Variants in POU6F2 observed in about 807,000 individuals in gnomAD.
POU6F2 encodes POU class 6 homeobox 2, also known as POU domain, class 6, transcription factor 2.
Under a neutral mutation model 71.3 loss-of-function variants are expected in POU6F2, and 31 were observed. That is an observed-to-expected ratio of 0.43 (90% CI 0.33 to 0.59). The LOEUF (loss-of-function observed/expected upper bound fraction) is 0.59. Among genes scored for constraint, POU6F2 ranks in the 20% least tolerant of loss-of-function variants. The pLI, the probability that POU6F2 is intolerant of heterozygous loss-of-function variation, is 0.04. For synonymous variants in POU6F2, 347 were observed against 355.7 expected (o/e 0.98, Z 0.27); for missense variants, 783 against 856.8 (o/e 0.91, Z 1.07).
At chr7:39,421,224 C>T (rs1204908065) in intron 6 of POU6F2, among the ~76,000 whole-genome samples, 1 of 150,884 alleles carries the variant, frequency 6.6e-6, no homozygotes, top group Non-Finnish European at 1.5e-5. Flanking sequence ...GTGGTCTCAC[C>T]CTAAAGAACA....
intron 4 of POU6F2, among the ~76,000 whole-genome samples, chr7:39,224,442 T>A (rs2128748945): frequency 6.6e-6 from 1 of 151,572 alleles, no homozygotes; most frequent in South Asian, 2.1e-4. Flanking sequence ...TCTGCCCAGG[T>A]TATGTCTTGG....
At chr7:39,384,897 G>T (rs1376626354) in intron 5 of POU6F2, among the ~76,000 whole-genome samples, 1 of 152,188 alleles carries the variant, frequency 6.6e-6, no homozygotes, top group African/African-American at 2.4e-5. Flanking sequence ...TGGAAGCTTT[G>T]TGTCCTCTAA....
At chr7:39,137,235 ACT>A (rs1374228338) in intron 2 of POU6F2, among the ~76,000 whole-genome samples, 1 of 152,090 alleles carries the variant, frequency 6.6e-6, no homozygotes, top group African/African-American at 2.4e-5. Context: ...TCAAAATATC[ACT>A]CTGTATTTTA....
chr7:39,192,861 G>T (rs748442017), intron 2 of POU6F2, among the ~76,000 whole-genome samples: 10 of 152,122 alleles, frequency 6.6e-5, no homozygotes, highest in Non-Finnish European at 1.2e-4. Flanking sequence ...AAGGGAGGAA[G>T]AAGGAAGGAA....
intron 1 of POU6F2, among the ~76,000 whole-genome samples, chr7:39,049,161 G>T (rs1918722): frequency 1.3e-5 from 2 of 151,464 alleles, no homozygotes; most frequent in African/African-American, 4.9e-5. Flanking sequence ...TTTTGGTTTC[G>T]TTATTTTCTA....
At chr7:39,054,969 A>C (rs1790478820) in intron 1 of POU6F2, among the ~76,000 whole-genome samples, 1 of 152,088 alleles carries the variant, frequency 6.6e-6, no homozygotes, top group African/African-American at 2.4e-5. Context: ...AAGAGTCATA[A>C]GCAGGGTTGG....
Position 39,412,778 on chromosome 7 carries a change from C to CTTTTTTTTTTTTTTTTTTTTTTTTTTT in POU6F2, c.1113+6053_1113+6079dup, listed in dbSNP as rs1166811956. Among the ~76,000 whole-genome samples the CTTTTTTTTTTTTTTTTTTTTTTTTTTT allele has an allele frequency of 2.2e-4, 5 of 23,192 alleles. 2 individuals are homozygous for CTTTTTTTTTTTTTTTTTTTTTTTTTTT. The highest frequency in any genetic ancestry group is 3.2e-4 in the Non-Finnish European group (3 of 9,474). The allele number at this position is 23,192 out of a possible 152,430, so 15.2% of individuals were successfully genotyped here. A position where few individuals can be genotyped will look rare whatever the true frequency, so the allele number is the denominator to read the frequency against. ...TCCGTATTAGCTTCAGTTTTCTTGC[C>CTTTTTTTTTTTTTTTTTTTTTTTTTTT]TTTTTTTTTTTTTTTTTTTTTTTTT... On this transcript the variant is annotated intron_variant, in intron 6 of 9. Coordinates refer to ENST00000518318, the MANE Select transcript of POU6F2 (RefSeq NM_001370959.1).
intron 4 of POU6F2, among the ~76,000 whole-genome samples, chr7:39,307,771 C>T (rs573661664): frequency 1.3e-5 from 2 of 152,190 alleles, no homozygotes; most frequent in South Asian, 2.1e-4. Context: ...AGTTCAAGAC[C>T]AGCATGGTCA....
intron 2 of POU6F2, among the ~76,000 whole-genome samples, chr7:39,104,421 T>C (rs1266868507): frequency 6.6e-6 from 1 of 152,210 alleles, no homozygotes; most frequent in African/African-American, 2.4e-5. Flanking sequence ...AGTCTTGTGA[T>C]TGATCTGCCC....
intron 7 of POU6F2, among the ~76,000 whole-genome samples, chr7:39,450,732 G>A (rs575065251): frequency 2.0e-5 from 3 of 152,220 alleles, no homozygotes; most frequent in South Asian, 2.1e-4. Flanking sequence ...GTCAGACTTC[G>A]TGTGTCCAGA....
At chr7:39,067,491 T>C (rs1397330106) in intron 1 of POU6F2, among the ~76,000 whole-genome samples, 2 of 151,928 alleles carry the variant, frequency 1.3e-5, no homozygotes, top group African/African-American at 2.4e-5. Context: ...AAATAACAAA[T>C]TCTAGAAAAA....
chr7:39,247,237 G>A (rs1486332244), intron 4 of POU6F2, among the ~76,000 whole-genome samples: 1 of 152,114 alleles, frequency 6.6e-6, no homozygotes, highest in East Asian at 1.9e-4. Flanking sequence ...GGGAGGCTGA[G>A]GCAAGTGGAC....
intron 1 of POU6F2, among the ~76,000 whole-genome samples, chr7:39,083,313 G>A (rs1791165538): frequency 6.6e-6 from 1 of 152,138 alleles, no homozygotes; most frequent in Admixed American, 6.5e-5. Flanking sequence ...GAGCAGTACA[G>A]TGACAGAGAC....
chr7:39,263,746 A>G (rs1784187598), intron 4 of POU6F2, among the ~76,000 whole-genome samples: 1 of 152,194 alleles, frequency 6.6e-6, no homozygotes, highest in Non-Finnish European at 1.5e-5. Flanking sequence ...GATAGAATGC[A>G]GAACAGCATT....
intron 5 of POU6F2, chr7:39,373,356 A>T (rs1786650089): frequency 2.3e-6 from 1 of 442,862 alleles, no homozygotes; most frequent in Non-Finnish European, 4.6e-6. Flanking sequence ...TGATTGACCT[A>T]CGAGGCTGAC....
At chr7:39,011,010 G>T (rs1420159345) in intron 1 of POU6F2, among the ~76,000 whole-genome samples, 31 of 140,902 alleles carry the variant, frequency 2.2e-4, no homozygotes, top group Middle Eastern at 3.8e-3. Context: ...GTTGATTTGG[G>T]GTGGAGAGTT....
intron 4 of POU6F2, among the ~76,000 whole-genome samples, chr7:39,230,758 A>C (rs531622741): frequency 6.6e-6 from 1 of 152,246 alleles, no homozygotes; most frequent in Non-Finnish European, 1.5e-5. Flanking sequence ...AATGCCAGTT[A>C]GTACTGGTCA....
intron 2 of POU6F2, among the ~76,000 whole-genome samples, chr7:39,180,840 C>A (rs147717688): frequency 1.3e-4 from 20 of 152,272 alleles, no homozygotes; most frequent in African/African-American, 3.9e-4. Flanking sequence ...TCCTGCCAAC[C>A]TTTTCCCTTT....
chr7:38,992,670 G>T (rs78331957), intron 1 of POU6F2, among the ~76,000 whole-genome samples: 312 of 152,112 alleles, frequency 2.1e-3, no homozygotes, highest in Non-Finnish European at 3.7e-3. Flanking sequence ...CAATATCATT[G>T]TCTTCAGGGA....
Sources: gnomAD v4.1 joint callset for allele counts (sites outside exome capture counted in the v4.1 genomes callset) on GRCh38, gnomAD v4.1.1 for gene constraint, MANE v1.5 for transcripts, NCBI Gene and HGNC (gene_info 2026-07-23, HGNC 2026-07-21) for gene names.